VEZT: variants seen among roughly 807,000 people sequenced by gnomAD.
VEZT encodes vezatin, adherens junctions transmembrane protein, also known as vezatin.
VEZT carries 39 observed loss-of-function variants against 79.9 expected under a neutral mutation model. That is an observed-to-expected ratio of 0.49 (90% confidence interval 0.38 to 0.64). The LOEUF is 0.64. Ranked by LOEUF, VEZT falls within the 30% of genes least tolerant of loss-of-function variation. The pLI, the probability that VEZT is intolerant of heterozygous loss-of-function variation, is 0.00. For synonymous variants in VEZT, 325 were observed against 327.6 expected, an observed-to-expected ratio of 0.99 and a Z score of 0.09; for missense variants, 837 against 893.1, an observed-to-expected ratio of 0.94 and a Z score of 0.80.
In VEZT at chr12:95,293,995, C is replaced by A. The variant is rs1594213440; in HGVS notation, c.1523-277C>A. On this transcript the variant is annotated intron_variant, in intron 9 of 11. Coordinates refer to ENST00000436874, the MANE Select transcript of VEZT (RefSeq NM_017599.4). ...TCTTGATCTCCCCAGCTCAAGCGAT[C>A]CTTCCACCTCAGCCTCCCAAGTAGC... is the stretch of plus-strand genomic sequence containing the variant. 3 of 338,560 alleles carry A rather than the reference C, an allele frequency of 8.9e-6. No individual in the cohort carries two copies. In the East Asian group the frequency reaches 2.2e-4, roughly 25 times the overall value. 21.0% of individuals were successfully genotyped at this position (338,560 alleles called of 1,614,324 possible).
intron 2 of VEZT, 46 bp downstream of exon 2, chr12:95,252,117 ACC>A (rs768963606): frequency 6.4e-7 from 1 of 1,573,464 alleles, no homozygotes; most frequent in Admixed American, 1.9e-5. Context: ...TTTGCACTTT[ACC>A]TTACTGGCTA....
intron 11 of VEZT, chr12:95,299,450 A>G (rs1379454947): frequency 6.6e-6 from 1 of 152,350 alleles, no homozygotes; most frequent in East Asian, 1.9e-4. Context: ...TATGTATTAT[A>G]TTTTGTACAA....
intron 1 of VEZT, chr12:95,245,444 A>C (rs1009949636): frequency 2.2e-6 from 1 of 453,572 alleles, no homozygotes; most frequent in African/African-American, 2.0e-5. Flanking sequence ...AGCTTGATGA[A>C]CCGTGGTTTT....
At chr12:95,291,532 C>T (rs1594168533) in intron 9 of VEZT, among the ~76,000 whole-genome samples, 1 of 152,200 alleles carries the variant, frequency 6.6e-6, no homozygotes, top group South Asian at 2.1e-4. Flanking sequence ...TCTGTTACAA[C>T]TACTTTACTC....
intron 1 of VEZT, among the ~76,000 whole-genome samples, chr12:95,234,676 T>C (rs1373378844): frequency 6.6e-6 from 1 of 152,078 alleles, no homozygotes; most frequent in Admixed American, 6.6e-5. Flanking sequence ...TATTTATTTA[T>C]TTATTTATTT....
At chr12:95,217,974 G>A (rs1335744304) in intron 1 of VEZT, 88 bp downstream of exon 1, 4 of 1,358,370 alleles carry the variant, frequency 2.9e-6, no homozygotes, top group African/African-American at 3.0e-5. Flanking sequence ...CCCGGGGCGA[G>A]GGATCGGGTG....
chr12:95,287,868 G>A lies in VEZT; in HGVS notation c.1522+11G>A. ...ATACAGATAAAAAAGGTACCTGTGAGAGATTTCTTTGCCATATGCTTATCA... is the reference window on the plus strand; with the variant it reads ...ATACAGATAAAAAAGGTACCTGTGAAAGATTTCTTTGCCATATGCTTATCA... On this transcript the variant is annotated intron_variant, in intron 9 of 11. Coordinates refer to ENST00000436874, the MANE Select transcript of VEZT (RefSeq NM_017599.4). The A allele has an allele frequency of 6.4e-7, 1 of 1,574,750 alleles. No individual in the cohort carries two copies. The highest frequency in any genetic ancestry group is 8.6e-7 in the Non-Finnish European group (1 of 1,159,802).
At chr12:95,254,673 A>G (rs968135379) in intron 2 of VEZT, among the ~76,000 whole-genome samples, 2 of 152,136 alleles carry the variant, frequency 1.3e-5, no homozygotes, top group Admixed American at 1.3e-4. Flanking sequence ...GGAGAGCTAA[A>G]TTTTAGAAAA....
intron 1 of VEZT, among the ~76,000 whole-genome samples, chr12:95,240,261 T>A (rs1051633069): frequency 6.6e-6 from 1 of 152,184 alleles, no homozygotes; most frequent in African/African-American, 2.4e-5. Flanking sequence ...GCTAGGTTTA[T>A]TGAGATATCT....
At chr12:95,235,228 G>A (rs1299668088) in intron 1 of VEZT, among the ~76,000 whole-genome samples, 1 of 151,198 alleles carries the variant, frequency 6.6e-6, no homozygotes, top group South Asian at 2.1e-4. Context: ...TTCCCAGTAG[G>A]GGCGGCCGGG....
intron 9 of VEZT, among the ~76,000 whole-genome samples, chr12:95,289,875 T>C (rs960482988): frequency 1.3e-5 from 2 of 152,232 alleles, no homozygotes; most frequent in African/African-American, 4.8e-5. Flanking sequence ...ACAATTGCCT[T>C]ATCTATGTAT....
At chr12:95,267,353 A>G (rs189788472) in intron 5 of VEZT, among the ~76,000 whole-genome samples, 1 of 152,338 alleles carries the variant, frequency 6.6e-6, no homozygotes, top group African/African-American at 2.4e-5. Flanking sequence ...CTTGCAGTAC[A>G]CTGGACACCT....
intron 1 of VEZT, among the ~76,000 whole-genome samples, chr12:95,219,592 T>C (rs1202091759): frequency 1.3e-5 from 2 of 152,190 alleles, no homozygotes; most frequent in Admixed American, 6.5e-5. Context: ...ATAACCTTTT[T>C]TTAAAAAAAT....
chr12:95,281,425 C>T (rs2069067648), intron 7 of VEZT, among the ~76,000 whole-genome samples: 1 of 152,056 alleles, frequency 6.6e-6, no homozygotes, highest in South Asian at 2.1e-4. Flanking sequence ...TTGCAGTAAG[C>T]TATGATAGTG....
intron 10 of VEZT, among the ~76,000 whole-genome samples, chr12:95,294,666 G>A (rs1343367512): frequency 6.6e-6 from 1 of 152,154 alleles, no homozygotes; most frequent in Non-Finnish European, 1.5e-5. Flanking sequence ...ACTGGTATGT[G>A]TACATATGTA....
intron 1 of VEZT, among the ~76,000 whole-genome samples, chr12:95,234,415 G>A (rs903243124): frequency 4.0e-5 from 6 of 151,432 alleles, no homozygotes; most frequent in Non-Finnish European, 7.4e-5. Flanking sequence ...TCAGCCTGCC[G>A]AGTAGCTGGG....
At chr12:95,273,762 C>A (rs998834513) in intron 6 of VEZT, among the ~76,000 whole-genome samples, 1 of 151,934 alleles carries the variant, frequency 6.6e-6, no homozygotes, top group Admixed American at 6.6e-5. Context: ...AGAATATAGA[C>A]CCATCTCATA....
chr12:95,246,951 TAATAC>T (rs2137597984), intron 1 of VEZT, among the ~76,000 whole-genome samples: 1 of 152,358 alleles, frequency 6.6e-6, no homozygotes, highest in African/African-American at 2.4e-5. Context: ...AGCTACCATC[TAATAC>T]TTTATGAAAA....
chr12:95,256,829 A>G (rs1160689337), intron 2 of VEZT, among the ~76,000 whole-genome samples: 1 of 152,210 alleles, frequency 6.6e-6, no homozygotes. Context: ...CCCAGGATAA[A>G]TGGGCTGCTT....
Sources: allele counts gnomAD v4.1 joint callset (sites outside exome capture counted in the v4.1 genomes callset), GRCh38; gene constraint gnomAD v4.1.1; transcripts MANE v1.5; gene names NCBI Gene and HGNC (gene_info 2026-07-23, HGNC 2026-07-21).